CFAP61: variants seen among roughly 807,000 people sequenced by gnomAD.
CFAP61 encodes cilia- and flagella-associated protein 61.
A neutral mutation model predicts 135.6 loss-of-function variants in CFAP61; 107 were observed. The ratio of observed to expected loss-of-function variants is 0.79; its 90% CI spans 0.67 to 0.93. CFAP61 has a LOEUF of 0.93. Among genes scored for constraint, CFAP61 ranks in the 40% least tolerant of loss-of-function variants. CFAP61 has a pLI of 0.00. For missense variants in CFAP61, 1,507 were observed against 1,556.2 expected (o/e 0.97, Z 0.53); for synonymous variants, 575 against 578.5 (o/e 0.99, Z 0.09).
In CFAP61 at chr20:20,166,381, A is replaced by C. The variant is rs376542525; in HGVS notation, c.1206-16A>C. ...TGCTTGCAGGGCACTGACAGTGCTT[A>C]CTGTCTTGTTTACAGGTCGCTGGAT... On this transcript the variant is annotated splice_polypyrimidine_tract_variant and intron_variant, in intron 11 of 26. Transcript: ENST00000245957. 6 of 1,612,012 alleles carry C rather than the reference A, an allele frequency of 3.7e-6. No homozygotes were observed. Among genetic ancestry groups the C allele is most frequent in the Non-Finnish European group, 5.1e-6 (6 of 1,178,372 alleles).
At chr20:20,152,674 A>G (rs1253611696) in intron 9 of CFAP61, among the ~76,000 whole-genome samples, 1 of 151,560 alleles carries the variant, frequency 6.6e-6, no homozygotes, top group East Asian at 1.9e-4. Context: ...AAAATACCCC[A>G]ATCCTAAATA....
At chr20:20,258,154 CCAAT>C (rs148917928) in intron 20 of CFAP61, among the ~76,000 whole-genome samples, 4 of 152,056 alleles carry the variant, frequency 2.6e-5, no homozygotes, top group African/African-American at 7.2e-5. Context: ...AGAGAAATAC[CCAAT>C]CAAAGGGCAA....
intron 18 of CFAP61, among the ~76,000 whole-genome samples, chr20:20,229,278 ACCTAACATGGAG>A (rs747911055): frequency 1.5e-4 from 23 of 152,140 alleles, no homozygotes; most frequent in Non-Finnish European, 3.4e-4. Flanking sequence ...CATCATCAGC[ACCTAACATGGAG>A]CCCTCAGTGT....
Position 20,290,484 on chromosome 20 carries a change from G to GT in CFAP61, c.3216+94dup, listed in dbSNP as rs1601838731. ...CTTTACTTGGAGTCTTTACTGTAAT[G>GT]TGTTGGTTCACACATCAGAAGCCCA... On this transcript the variant is annotated intron_variant, in intron 24 of 26. Coordinates refer to ENST00000245957, the MANE Select transcript of CFAP61 (RefSeq NM_015585.4). The GT allele has an allele frequency of 1.2e-5, 10 of 849,790 alleles. No individual in the cohort carries two copies. The East Asian group carries it at 2.6e-4, about 22-fold the overall frequency. 52.6% of individuals were successfully genotyped at this position (849,790 alleles called of 1,614,324 possible).
intron 3 of CFAP61, among the ~76,000 whole-genome samples, chr20:20,071,780 C>T (rs2146569243): frequency 6.6e-6 from 1 of 152,296 alleles, no homozygotes; most frequent in East Asian, 1.9e-4. Flanking sequence ...GCATATTATT[C>T]AGCATTTATT....
At chr20:20,172,145 G>A (rs1416664508) in intron 13 of CFAP61, 1 of 865,272 alleles carries the variant, frequency 1.2e-6, no homozygotes, top group East Asian at 8.1e-5. Flanking sequence ...GGATACTATG[G>A]GAACATTATA....
rs1430670953 is a variant in CFAP61, at chr20:20,311,551, C to T, written c.3422+13165C>T. Among the ~76,000 whole-genome samples, 4 of 152,070 alleles carry T rather than the reference C, an allele frequency of 2.6e-5. No homozygotes were observed. In the East Asian group the frequency reaches 7.7e-4, roughly 29 times the overall value. The stretch of plus-strand genomic sequence containing the variant: ...GGGGAAGCAGAGCCCATGCAGAGTC[C>T]TGAGTGGAGGAGAGGGAGCCGAGAG... On this transcript the variant is annotated intron_variant, in intron 25 of 26. Coordinates refer to ENST00000245957, the MANE Select transcript of CFAP61 (RefSeq NM_015585.4).
intron 26 of CFAP61, among the ~76,000 whole-genome samples, chr20:20,355,675 A>G (rs1292077239): frequency 2.0e-3 from 161 of 78,606 alleles, no homozygotes; most frequent in Middle Eastern, 0.017. Flanking sequence ...TGATCACACT[A>G]AGGGGAGGTG....
At chr20:20,056,203 C>T (rs1043478907) in intron 1 of CFAP61, among the ~76,000 whole-genome samples, 32 of 152,240 alleles carry the variant, frequency 2.1e-4, no homozygotes, top group African/African-American at 7.7e-4. Flanking sequence ...TGCTGACCTT[C>T]AGGGCTCCAG....
intron 8 of CFAP61, among the ~76,000 whole-genome samples, chr20:20,115,457 C>G (rs1314041249): frequency 2.0e-5 from 3 of 151,834 alleles, no homozygotes; most frequent in Non-Finnish European, 4.4e-5. Context: ...TTATTCTCTT[C>G]TAGCTATTTT....
At chr20:20,172,078 G>T in intron 13 of CFAP61, 1 of 490,796 alleles carries the variant, frequency 2.0e-6, no homozygotes, top group Non-Finnish European at 3.0e-6. Flanking sequence ...CTGGTAGGTT[G>T]GGCATGTGTC....
At chr20:20,085,558 T>A in intron 6 of CFAP61, 4 of 1,359,734 alleles carry the variant, frequency 2.9e-6, no homozygotes, top group Non-Finnish European at 3.9e-6. Flanking sequence ...GATAACTTTG[T>A]TAACGGGCTG....
intron 6 of CFAP61, among the ~76,000 whole-genome samples, chr20:20,077,995 C>G (rs2046175839): frequency 6.6e-6 from 1 of 152,200 alleles, no homozygotes; most frequent in African/African-American, 2.4e-5. Flanking sequence ...AGAATTTTCT[C>G]CGAAGAGACA....
chr20:20,061,861 G>T lies in CFAP61; in HGVS notation c.143+5065G>T, dbSNP rs560773440. ...AGCGTTAAGATGGCCTGGCAGCAGG[G>T]CTGGCCCAGGAGAGGCACGCAGGGT... On this transcript the variant is annotated intron_variant, in intron 2 of 26. Transcript: ENST00000245957. 4.6e-5 allele frequency among the ~76,000 whole-genome samples: 7 copies of T among 152,268 alleles called. No individual in the cohort carries two copies. In the East Asian group the frequency reaches 1.4e-3, roughly 29 times the overall value.
At chr20:20,052,870 C>T in intron 1 of CFAP61, 1 of 733,086 alleles carries the variant, frequency 1.4e-6, no homozygotes, top group Non-Finnish European at 2.2e-6. Flanking sequence ...TTCTAGTAGT[C>T]TCTGGGTCCA....
intron 6 of CFAP61, among the ~76,000 whole-genome samples, chr20:20,080,197 T>TAC (rs2046338518): frequency 6.6e-6 from 1 of 152,186 alleles, no homozygotes; most frequent in Non-Finnish European, 1.5e-5. Context: ...TATGTAACTA[T>TAC]ACACACACAA....
In CFAP61 at chr20:20,290,285, T is replaced by G; in HGVS notation, c.3125-15T>G. 1 of 1,544,286 alleles carries G rather than the reference T, an allele frequency of 6.5e-7. No individual in the cohort carries two copies. The highest frequency in any genetic ancestry group is 1.7e-4 in the Middle Eastern group (1 of 5,948). ...AACAATTAATTTTAAATGGAAAACTTGCCATCTCTTCTAGGGGGCATTCTT... is the reference window on the plus strand; with the variant it reads ...AACAATTAATTTTAAATGGAAAACTGGCCATCTCTTCTAGGGGGCATTCTT... On this transcript the variant is annotated splice_polypyrimidine_tract_variant and intron_variant, in intron 23 of 26. Transcript: ENST00000245957.
At chr20:20,358,467 G>A (rs889437463) in intron 26 of CFAP61, among the ~76,000 whole-genome samples, 3 of 152,186 alleles carry the variant, frequency 2.0e-5, no homozygotes, top group East Asian at 1.9e-4. Context: ...TATAATTTTA[G>A]TAAGGTAATT....
intron 8 of CFAP61, among the ~76,000 whole-genome samples, chr20:20,132,558 T>A (rs777937662): frequency 1.3e-5 from 2 of 152,080 alleles, no homozygotes; most frequent in Non-Finnish European, 2.9e-5. Context: ...TTTATCCTTA[T>A]TAATATTATC....
Sources: gnomAD v4.1 joint callset for allele counts (sites outside exome capture counted in the v4.1 genomes callset) on GRCh38, gnomAD v4.1.1 for gene constraint, MANE v1.5 for transcripts, NCBI Gene and HGNC (gene_info 2026-07-23, HGNC 2026-07-21) for gene names.